Variants in EMSY observed in about 807,000 individuals in gnomAD.
The protein encoded by EMSY is EMSY transcriptional repressor, BRCA2 interacting, also known as BRCA2-interacting transcriptional repressor EMSY.
EMSY carries 26 observed loss-of-function variants against 134.6 expected under a neutral mutation model. The observed-to-expected ratio is 0.19, with a 90% confidence interval of 0.14 to 0.27. EMSY has a LOEUF of 0.27. EMSY is among the 10% of genes least tolerant of loss of function. The pLI, the probability that EMSY is intolerant of heterozygous loss-of-function variation, is 1.00. For missense variants in EMSY, 1,305 were observed against 1,611.4 expected (o/e 0.81, Z 3.26); for synonymous variants, 579 against 577.8 (o/e 1.00, Z -0.03).
rs905052186 is a variant in EMSY, at chr11:76,509,384, C to T, written c.1364-4002C>T. Reference sequence around the variant, plus strand: ...GGTGGGTGCCTATAATCCCGCTACTCGGGAGGCTGAGGCAGGGAGAATTGC... The same window carrying T: ...GGTGGGTGCCTATAATCCCGCTACTTGGGAGGCTGAGGCAGGGAGAATTGC... On this transcript the variant is annotated intron_variant, in intron 9 of 20. Coordinates refer to ENST00000334736, the Ensembl canonical transcript of EMSY. 3.3e-5 allele frequency among the ~76,000 whole-genome samples: 5 copies of T among 152,200 alleles called. 1 individual carries two copies. Among genetic ancestry groups the T allele is most frequent in the Admixed American group, 2.6e-4 (4 of 15,280 alleles).
intron 7 of EMSY, among the ~76,000 whole-genome samples, chr11:76,470,740 G>T (rs1948537619): frequency 6.6e-6 from 1 of 151,966 alleles, no homozygotes; most frequent in Admixed American, 6.6e-5. Flanking sequence ...AAATATTCCT[G>T]TGGCTTTCTA....
At chr11:76,461,442 T>C (rs1009715282) in intron 6 of EMSY, among the ~76,000 whole-genome samples, 7 of 152,224 alleles carry the variant, frequency 4.6e-5, no homozygotes, top group Admixed American at 6.5e-5. Flanking sequence ...TGCAGAGATT[T>C]TCTATGTTAA....
At chr11:76,509,539 A>G (rs949113546) in intron 9 of EMSY, among the ~76,000 whole-genome samples, 2 of 152,206 alleles carry the variant, frequency 1.3e-5, no homozygotes, top group African/African-American at 4.8e-5. Flanking sequence ...AAAACACACT[A>G]GTACTGAGAA....
chr11:76,453,236 G>A, intron 3 of EMSY, 78 bp from the exon 4 acceptor site: 2 of 1,356,228 alleles, frequency 1.5e-6, no homozygotes, highest in Non-Finnish European at 2.1e-6. Context: ...CCCCAAAAAT[G>A]TTGACTTAAA....
chr11:76,542,168 A>T, intron 17 of EMSY, 48 bp from the exon 19 acceptor site: 1 of 1,604,252 alleles, frequency 6.2e-7, no homozygotes, highest in Non-Finnish European at 8.5e-7. Context: ...CTGGTTACAG[A>T]TGCTGTGGTG....
Position 76,449,354 on chromosome 11 carries a change from G to A in EMSY, c.70+2346G>A, listed in dbSNP as rs527626948. Among the ~76,000 whole-genome samples the A allele has an allele frequency of 2.0e-5, 3 of 152,256 alleles. No individual in the cohort carries two copies. In the East Asian group the frequency reaches 5.8e-4, roughly 29 times the overall value. On this transcript the variant is annotated intron_variant, in intron 2 of 20. Coordinates refer to ENST00000334736, the Ensembl canonical transcript of EMSY. Reference sequence around the variant, plus strand: ...TGTGGATTCTATAGCTGTGGTAACTGTGTTCAGAGTCCCAGTTTTGTGTGT... The same window carrying A: ...TGTGGATTCTATAGCTGTGGTAACTATGTTCAGAGTCCCAGTTTTGTGTGT...
intron 4 of EMSY, among the ~76,000 whole-genome samples, chr11:76,454,461 A>G (rs1038800823): frequency 6.6e-6 from 1 of 152,102 alleles, no homozygotes; most frequent in Admixed American, 6.6e-5. Flanking sequence ...CTCAGATATT[A>G]GTCAATGTGT....
intron 8 of EMSY, among the ~76,000 whole-genome samples, chr11:76,479,678 G>T (rs1228428095): frequency 6.6e-6 from 1 of 152,232 alleles, no homozygotes; most frequent in African/African-American, 2.4e-5. Flanking sequence ...CTGGACAGTG[G>T]TGTTAAGTGT....
chr11:76,467,476 A>T (rs927550166), intron 7 of EMSY, among the ~76,000 whole-genome samples: 3 of 152,216 alleles, frequency 2.0e-5, no homozygotes, highest in Non-Finnish European at 2.9e-5. Context: ...ATTATATTGC[A>T]AAGTTGTTTA....
intron 13 of EMSY, 145 bp from the exon 15 acceptor site, chr11:76,528,123 C>T: frequency 1.4e-6 from 1 of 694,690 alleles, no homozygotes; most frequent in Non-Finnish European, 2.4e-6. Context: ...TTGAATTACC[C>T]TTTGATGAGC....
At chr11:76,452,440 C>T (rs956161893) in intron 3 of EMSY, among the ~76,000 whole-genome samples, 2 of 152,130 alleles carry the variant, frequency 1.3e-5, no homozygotes, top group African/African-American at 4.8e-5. Flanking sequence ...TGTTACTTAA[C>T]ATTAATATAG....
intron 14 of EMSY, among the ~76,000 whole-genome samples, chr11:76,534,765 T>C (rs1291205505): frequency 1.3e-5 from 2 of 152,172 alleles, no homozygotes; most frequent in African/African-American, 4.8e-5. Flanking sequence ...AATCATTTGA[T>C]ATTTGCCCTA....
chr11:76,497,855 A>G (rs1949713495), intron 9 of EMSY, among the ~76,000 whole-genome samples: 3 of 151,404 alleles, frequency 2.0e-5, no homozygotes. Flanking sequence ...TTTCTGTCCT[A>G]CTTTCTTTAG....
chr11:76,537,718 A>G lies in EMSY; in HGVS notation c.2360-77A>G, dbSNP rs538599116. The G allele has an allele frequency of 6.0e-6, 8 of 1,343,054 alleles. No homozygotes were observed. The South Asian group carries it at 8.5e-5, about 14-fold the overall frequency. 83.2% of individuals were successfully genotyped at this position (1,343,054 alleles called of 1,614,324 possible). A position where few individuals can be genotyped will look rare whatever the true frequency, so the allele number is the denominator to read the frequency against. On this transcript the variant is annotated intron_variant, in intron 15 of 20. Transcript: ENST00000334736. ...GTGTGGCACCCCAGAGGTCTGGTTC[A>G]TTATTCCTGTGGACAACTCTGGTTT...
At chr11:76,450,489 CT>C (rs764412635) in intron 2 of EMSY, among the ~76,000 whole-genome samples, 362 of 142,450 alleles carry the variant, frequency 2.5e-3, no homozygotes, top group Non-Finnish European at 3.0e-3. Flanking sequence ...ACAGACATTC[CT>C]TTTTTTTTTT....
chr11:76,523,591 C>G (rs1950725157), intron 12 of EMSY, among the ~76,000 whole-genome samples: 1 of 151,226 alleles, frequency 6.6e-6, no homozygotes, highest in South Asian at 2.1e-4. Flanking sequence ...AGTTGGAGCA[C>G]TGTTTTATTC....
chr11:76,463,939 G>C (rs150395336), exon 7 of EMSY: 2 of 1,614,192 alleles, frequency 1.2e-6, no homozygotes, highest in Non-Finnish European at 1.7e-6. Flanking sequence ...TCTCAAAGAC[G>C]ATCACTGTGC....
exon 13 of EMSY, chr11:76,526,547 C>T (rs2136335641): frequency 6.2e-7 from 1 of 1,613,738 alleles, no homozygotes; most frequent in Non-Finnish European, 8.5e-7. Context: ...ATGATTGTAA[C>T]GCAGCCAAAA....
chr11:76,485,541 G>A lies in EMSY; in HGVS notation c.1109-10674G>A, dbSNP rs150682923. ...TCAATAAACTAGGTATTGATGGAACGTACCTCAAAATAATAAGAGCTATTT... is the reference window on the plus strand; with the variant it reads ...TCAATAAACTAGGTATTGATGGAACATACCTCAAAATAATAAGAGCTATTT... On this transcript the variant is annotated intron_variant, in intron 8 of 20. Coordinates refer to ENST00000334736, the Ensembl canonical transcript of EMSY. 9.7e-3 allele frequency among the ~76,000 whole-genome samples: 1,475 copies of A among 152,198 alleles called. 26 individuals carry two copies. The highest frequency in any genetic ancestry group is 0.058 in the East Asian group (301 of 5,178).
Sources: gnomAD v4.1 joint callset for allele counts (sites outside exome capture counted in the v4.1 genomes callset) on GRCh38, gnomAD v4.1.1 for gene constraint, MANE v1.5 for transcripts, NCBI Gene and HGNC (gene_info 2026-07-23, HGNC 2026-07-21) for gene names.